The following CHCHD6 variants were observed in gnomAD, a reference collection of about 807,000 sequenced individuals.
CHCHD6 encodes the protein coiled-coil-helix-coiled-coil-helix domain containing 6, also known as MICOS complex subunit MIC25.
Under a neutral mutation model 32.3 loss-of-function variants are expected in CHCHD6, and 28 were observed. That is an observed-to-expected ratio of 0.87 (90% CI 0.64 to 1.19). The LOEUF is 1.19. Ranked by LOEUF, CHCHD6 falls within the 50% of genes most tolerant of loss-of-function variation. The pLI is 0.00. For synonymous variants in CHCHD6, 122 were observed against 117.5 expected, an observed-to-expected ratio of 1.04 and a Z score of -0.25; for missense variants, 333 against 307.0, an observed-to-expected ratio of 1.08 and a Z score of -0.63.
At chr3:126,935,274 C>T (rs1337031291) in intron 6 of CHCHD6, 1 of 445,836 alleles carries the variant, frequency 2.2e-6, no homozygotes, top group Non-Finnish European at 3.0e-6. Context: ...AGCCTCCCTC[C>T]CTCAAGATGA....
At chr3:126,904,970 G>C (rs1343588917) in intron 5 of CHCHD6, among the ~76,000 whole-genome samples, 1 of 152,214 alleles carries the variant, frequency 6.6e-6, no homozygotes, top group Non-Finnish European at 1.5e-5. Context: ...GAGGTGATGA[G>C]GCATGGCTTT....
chr3:126,715,031 C>T (rs752614227), intron 1 of CHCHD6, among the ~76,000 whole-genome samples: 1 of 152,144 alleles, frequency 6.6e-6, no homozygotes, highest in Non-Finnish European at 1.5e-5. Context: ...TGACATTCGA[C>T]TAGTTTTTAA....
At chr3:126,914,876 TC>T (rs1327838826) in intron 6 of CHCHD6, 126 bp downstream of exon 6, 2 of 671,454 alleles carry the variant, frequency 3.0e-6, no homozygotes, top group Non-Finnish European at 5.4e-6. Flanking sequence ...AACCATCTGT[TC>T]CTCAGCTCTC....
intron 6 of CHCHD6, among the ~76,000 whole-genome samples, chr3:126,947,160 G>A (rs2078651635): frequency 6.6e-6 from 1 of 152,238 alleles, no homozygotes; most frequent in East Asian, 1.9e-4. Flanking sequence ...CCTACGATGT[G>A]TGCGCCCAAG....
chr3:126,718,684 C>T (rs1375278982), intron 1 of CHCHD6, among the ~76,000 whole-genome samples: 3 of 152,204 alleles, frequency 2.0e-5, no homozygotes, highest in Admixed American at 2.0e-4. Flanking sequence ...CCCTGTACTG[C>T]TCTATATTAG....
intron 4 of CHCHD6, among the ~76,000 whole-genome samples, chr3:126,798,808 C>T (rs1352538537): frequency 6.6e-6 from 1 of 152,210 alleles, no homozygotes; most frequent in Non-Finnish European, 1.5e-5. Flanking sequence ...TGCCTTGCCT[C>T]TCACTCCATG....
rs183349921 is a variant in CHCHD6 at position 126,788,037 on chromosome 3, G to T, written c.411+54815G>T. Among the ~76,000 whole-genome samples, 441 of 152,188 alleles carry T rather than the reference G, an allele frequency of 2.9e-3. 4 individuals are homozygous for T. The highest frequency in any genetic ancestry group is 0.01 in the African/African-American group (422 of 41,504). ...TTTATTGAGAGTTTTTAGCATGAAGGCTGTTGAATTTTGTCAAAGGCCTTT... is the reference window on the plus strand; with the variant it reads ...TTTATTGAGAGTTTTTAGCATGAAGTCTGTTGAATTTTGTCAAAGGCCTTT... On this transcript the variant is annotated intron_variant, in intron 4 of 7. Coordinates refer to ENST00000290913, the MANE Select transcript of CHCHD6 (RefSeq NM_032343.3).
intron 4 of CHCHD6, among the ~76,000 whole-genome samples, chr3:126,748,610 AAAG>A (rs1198905473): frequency 4.8e-5 from 7 of 144,364 alleles, no homozygotes; most frequent in African/African-American, 1.7e-4. Flanking sequence ...AAAAAAAAAA[AAAG>A]AAAGAAAAGA....
chr3:126,850,615 G>A (rs556959191), intron 4 of CHCHD6, among the ~76,000 whole-genome samples: 2 of 152,298 alleles, frequency 1.3e-5, no homozygotes, highest in East Asian at 3.9e-4. Context: ...TCACTTAACT[G>A]TAGAGAATGG....
intron 1 of CHCHD6, among the ~76,000 whole-genome samples, chr3:126,717,214 G>T (rs138022009): frequency 6.6e-6 from 1 of 152,276 alleles, no homozygotes; most frequent in African/African-American, 2.4e-5. Context: ...TAGTGAGGTG[G>T]TCTGTGCACA....
chr3:126,704,448 G>T lies in CHCHD6; in HGVS notation c.87+49G>T, dbSNP rs756724510. 39 of 1,250,788 alleles carry T rather than the reference G, an allele frequency of 3.1e-5. No homozygotes were observed. The South Asian group carries it at 4.2e-4, about 14-fold the overall frequency. 77.5% of individuals were successfully genotyped at this position (1,250,788 alleles called of 1,614,324 possible). ...GGCGGGCGTGGAGGCCGCGGGCGCGGGGGGGAGGTGCGGGGCGGAGCGCAG... is the reference window on the plus strand; with the variant it reads ...GGCGGGCGTGGAGGCCGCGGGCGCGTGGGGGAGGTGCGGGGCGGAGCGCAG... On this transcript the variant is annotated intron_variant, in intron 1 of 7. Transcript: ENST00000290913.
chr3:126,803,502 C>G (rs1204743751), intron 4 of CHCHD6, among the ~76,000 whole-genome samples: 1 of 152,186 alleles, frequency 6.6e-6, no homozygotes, highest in Non-Finnish European at 1.5e-5. Context: ...ATCAATTCAA[C>G]AAGAAGAGCT....
intron 6 of CHCHD6, among the ~76,000 whole-genome samples, chr3:126,956,091 G>A (rs558583599): frequency 2.0e-5 from 3 of 152,288 alleles, no homozygotes; most frequent in South Asian, 2.1e-4. Context: ...TCAAGTTATC[G>A]TTAGATGATA....
At chr3:126,893,736 GACCCCTTC>G (rs1379751303) in intron 5 of CHCHD6, among the ~76,000 whole-genome samples, 1 of 152,218 alleles carries the variant, frequency 6.6e-6, no homozygotes, top group Non-Finnish European at 1.5e-5. Flanking sequence ...GATTGGGCCA[GACCCCTTC>G]AGCAGAGTGC....
intron 5 of CHCHD6, among the ~76,000 whole-genome samples, chr3:126,913,599 C>A (rs567344892): frequency 6.6e-6 from 1 of 152,290 alleles, no homozygotes; most frequent in African/African-American, 2.4e-5. Context: ...CTCACCCGCA[C>A]TGGGGAGGTC....
At chr3:126,758,694 GAT>G (rs1168960411) in intron 4 of CHCHD6, among the ~76,000 whole-genome samples, 3 of 152,214 alleles carry the variant, frequency 2.0e-5, no homozygotes, top group African/African-American at 4.8e-5. Flanking sequence ...TGAGCAAGGA[GAT>G]GTGTGCAGTC....
intron 1 of CHCHD6, among the ~76,000 whole-genome samples, chr3:126,726,218 A>AT: frequency 6.6e-6 from 1 of 152,106 alleles, no homozygotes; most frequent in Non-Finnish European, 1.5e-5. Context: ...AATTGGCCTA[A>AT]TTTTGTTGTG....
At chr3:126,828,723 A>G (rs576918137) in intron 4 of CHCHD6, among the ~76,000 whole-genome samples, 1 of 152,194 alleles carries the variant, frequency 6.6e-6, no homozygotes, top group Admixed American at 6.5e-5. Flanking sequence ...TTATTCCAGT[A>G]CCCCTTCAGT....
At chr3:126,825,796 T>A (rs1038808565) in intron 4 of CHCHD6, among the ~76,000 whole-genome samples, 2 of 152,230 alleles carry the variant, frequency 1.3e-5, no homozygotes, top group Non-Finnish European at 2.9e-5. Context: ...GGTGTATCTC[T>A]TGCAGATAGC....
Sources: allele counts gnomAD v4.1 joint callset (sites outside exome capture counted in the v4.1 genomes callset), GRCh38; gene constraint gnomAD v4.1.1; transcripts MANE v1.5; gene names NCBI Gene and HGNC (gene_info 2026-07-23, HGNC 2026-07-21).